ABCC3: variants seen among roughly 807,000 people sequenced by gnomAD.
ABCC3 encodes ATP binding cassette subfamily C member 3, also known as ATP-binding cassette sub-family C member 3.
ABCC3 carries 121 observed loss-of-function variants against 165.3 expected under a neutral mutation model. That is an observed-to-expected ratio of 0.73 (90% confidence interval 0.63 to 0.85). The LOEUF (loss-of-function observed/expected upper bound fraction) is 0.85. ABCC3 is among the 40% of genes least tolerant of loss of function. The probability of loss-of-function intolerance (pLI) is 0.00; values close to 1 mark genes in which losing one functional copy is unlikely to be tolerated. For synonymous variants in ABCC3, 733 were observed against 810.1 expected (o/e 0.90, Z 1.62); for missense variants, 1,869 against 1,964.1 (o/e 0.95, Z 0.92).
chr17:50,637,052 G>A (rs913332902), intron 1 of ABCC3, among the ~76,000 whole-genome samples: 8 of 152,288 alleles, frequency 5.3e-5, no homozygotes, highest in African/African-American at 1.7e-4. Flanking sequence ...CTTGATGCTC[G>A]TGAGCTATAC....
At position 50,678,326 on chromosome 17, in the gene ABCC3, C is replaced by T. The variant is rs935002679; in HGVS notation, c.3705+107C>T. On this transcript the variant is annotated intron_variant, in intron 25 of 30. Coordinates refer to ENST00000285238, the MANE Select transcript of ABCC3 (RefSeq NM_003786.4). ...CTCCCTGCTCAGTATGGGCACCAGC[C>T]ACAGGGTCTGTTCTCAAGGACTGTG... The T allele has an allele frequency of 4.1e-6, 5 of 1,230,236 alleles. No homozygotes were observed. In the African/African-American group the frequency reaches 7.6e-5, roughly 19 times the overall value. 76.2% of individuals were successfully genotyped at this position (1,230,236 alleles called of 1,614,324 possible).
chr17:50,639,359 A>G (rs1548529), intron 1 of ABCC3, among the ~76,000 whole-genome samples: 68,607 of 152,056 alleles, frequency 0.45, 15,937 homozygotes, highest in African/African-American at 0.54. Context: ...CCTGGGCCTT[A>G]GGTCCCTGAG....
chr17:50,684,437 G>A (rs2146643692), intron 28 of ABCC3, among the ~76,000 whole-genome samples: 1 of 152,142 alleles, frequency 6.6e-6, no homozygotes, highest in East Asian at 1.9e-4. Flanking sequence ...GTCTCCTCCG[G>A]GGTATTTTTT....
intron 26 of ABCC3, among the ~76,000 whole-genome samples, chr17:50,682,623 T>C (rs552790169): frequency 2.6e-5 from 4 of 152,220 alleles, no homozygotes; most frequent in Admixed American, 2.6e-4. Flanking sequence ...TTCGGGTCTT[T>C]ACTAAAGTCT....
At chr17:50,657,010 G>T (rs376512321) in intron 3 of ABCC3, 36 bp from the exon 4 acceptor site, 1 of 1,603,158 alleles carries the variant, frequency 6.2e-7, no homozygotes. Context: ...CCAGATGTGT[G>T]TGTTCTGCCC....
In ABCC3 at chr17:50,659,318, G is replaced by A. The variant is rs1194496377; in HGVS notation, c.756G>A (p.Val252=). ...SLKEEDRSQM[V]VQQLLEAWRK... ...AGGAAGAGGACAGATCCCAGATGGT[G>A]GTGCAGCAGCTGCTGGAGGCATGGA... Residue 252 remains valine (V), a synonymous_variant, in exon 7 of 31, where the codon GTG becomes GTA. Transcript: ENST00000285238. The A allele has an allele frequency of 2.5e-6, 4 of 1,613,408 alleles. No homozygotes were observed. Among genetic ancestry groups the A allele is most frequent in the Non-Finnish European group, 3.4e-6 (4 of 1,179,424 alleles).
At chr17:50,644,954 CT>C (rs1966973039) in intron 1 of ABCC3, among the ~76,000 whole-genome samples, 1 of 150,014 alleles carries the variant, frequency 6.7e-6, no homozygotes, top group African/African-American at 2.5e-5. Context: ...GGAGGCGGAG[CT>C]TGCAGTGAGC....
chr17:50,676,646 T>TG, intron 23 of ABCC3, 58 bp downstream of exon 23: 1 of 460,316 alleles, frequency 2.2e-6, no homozygotes, highest in Non-Finnish European at 4.1e-6. Flanking sequence ...GGGCAACACA[T>TG]GGGCGGGGGC....
intron 17 of ABCC3, among the ~76,000 whole-genome samples, chr17:50,670,098 T>C (rs1046848205): frequency 1.3e-5 from 2 of 151,838 alleles, no homozygotes; most frequent in Non-Finnish European, 2.9e-5. Context: ...ACTTTTTTTT[T>C]TTAGACAGAG....
chr17:50,673,933 T>C (rs935614002), intron 19 of ABCC3, among the ~76,000 whole-genome samples: 2 of 15,004 alleles, frequency 1.3e-4, no homozygotes, highest in Non-Finnish European at 2.5e-4. Flanking sequence ...TCTTTCTTTC[T>C]TTCTTTCTTT....
chr17:50,679,261 G>T (rs555854921), intron 25 of ABCC3: 1 of 152,374 alleles, frequency 6.6e-6, no homozygotes, highest in African/African-American at 2.4e-5. Context: ...CCTTGAACGC[G>T]TTGGCAAACA....
intron 1 of ABCC3, among the ~76,000 whole-genome samples, chr17:50,643,307 C>T (rs940349288): frequency 7.9e-5 from 12 of 152,242 alleles, no homozygotes; most frequent in African/African-American, 2.4e-4. Flanking sequence ...ACCCAGTGTC[C>T]AGGCCTGGGC....
intron 26 of ABCC3, among the ~76,000 whole-genome samples, chr17:50,680,185 C>T (rs1233698847): frequency 6.6e-6 from 1 of 152,102 alleles, no homozygotes; most frequent in Non-Finnish European, 1.5e-5. Flanking sequence ...CGTGGTGCAC[C>T]TGGAGAGGGC....
intron 17 of ABCC3, among the ~76,000 whole-genome samples, chr17:50,671,825 G>A (rs1428459400): frequency 5.0e-5 from 7 of 141,354 alleles, no homozygotes; most frequent in East Asian, 2.3e-4. Context: ...AGGTTCAAAC[G>A]ATTCTCCTTC....
intron 3 of ABCC3, 101 bp from the exon 4 acceptor site, chr17:50,656,945 G>A: frequency 1.3e-6 from 2 of 1,549,474 alleles, no homozygotes; most frequent in Non-Finnish European, 1.7e-6. Flanking sequence ...GGAAGAAGAA[G>A]GGGGTGGCCC....
chr17:50,684,165 C>A (rs1221768997), intron 28 of ABCC3, 58 bp downstream of exon 28: 91 of 1,582,494 alleles, frequency 5.8e-5, no homozygotes, highest in Non-Finnish European at 7.3e-5. Context: ...CAGGCCCCAC[C>A]TTGTTCTGTA....
rs769447238 is a variant in ABCC3, at chr17:50,658,220, T to C, written c.612+13T>C. ...GAATGTCGACCCTGTGAGTTTCCCA[T>C]GGAGGGTGCGGGGGCTCCACAGCTG... On this transcript the variant is annotated intron_variant, in intron 5 of 30. Coordinates refer to ENST00000285238, the MANE Select transcript of ABCC3 (RefSeq NM_003786.4). 8 of 1,614,050 alleles carry C rather than the reference T, an allele frequency of 5.0e-6. No homozygotes were observed. The Admixed American group carries it at 5.0e-5, about 10-fold the overall frequency.
At chr17:50,658,743 A>G (rs1967313728) in intron 6 of ABCC3, among the ~76,000 whole-genome samples, 1 of 152,252 alleles carries the variant, frequency 6.6e-6, no homozygotes, top group Non-Finnish European at 1.5e-5. Flanking sequence ...CTGTGGGGAC[A>G]GGCCCAGGAG....
intron 4 of ABCC3, 87 bp from the exon 5 acceptor site, chr17:50,657,995 A>G: frequency 1.3e-6 from 2 of 1,585,986 alleles, no homozygotes; most frequent in Non-Finnish European, 1.7e-6. Flanking sequence ...CCCAGAGGAG[A>G]CTGATGCCCC....
Sources: gnomAD v4.1 joint callset for allele counts (sites outside exome capture counted in the v4.1 genomes callset) on GRCh38, gnomAD v4.1.1 for gene constraint, MANE v1.5 for transcripts, NCBI Gene and HGNC (gene_info 2026-07-23, HGNC 2026-07-21) for gene names.